The following ENAH variants were observed in gnomAD, a reference collection of about 807,000 sequenced individuals.
ENAH encodes the protein ENAH actin regulator.
In ENAH, 23 loss-of-function variants were observed where a neutral mutation model predicts 78.7. The observed-to-expected ratio is 0.29, with a 90% CI of 0.21 to 0.41. ENAH has a LOEUF of 0.41. Ranked by LOEUF, ENAH falls within the 10% of genes least tolerant of loss-of-function variation. The pLI is 1.00. For synonymous variants in ENAH, 226 were observed against 241.0 expected, an observed-to-expected ratio of 0.94 and a Z score of 0.58; for missense variants, 544 against 691.0, an observed-to-expected ratio of 0.79 and a Z score of 2.39.
At chr1:225,545,576 A>G (rs2096609114) in intron 3 of ENAH, among the ~76,000 whole-genome samples, 1 of 152,252 alleles carries the variant, frequency 6.6e-6, no homozygotes, top group African/African-American at 2.4e-5. Context: ...TTAAGTGATT[A>G]GAATGCCATG....
rs149890306 is a variant in ENAH at position 225,571,004 on chromosome 1, G to A, written c.6-3590C>T. Among the ~76,000 whole-genome samples the A allele has an allele frequency of 1.5e-4, 23 of 152,086 alleles. No individual in the cohort carries two copies. In the East Asian group the frequency reaches 3.3e-3, roughly 22 times the overall value. ...TAAAATACACATAACATAACAAAACGTGTTGATCAACTGTTTATGGATATC... is the reference window on the plus strand; with the variant it reads ...TAAAATACACATAACATAACAAAACATGTTGATCAACTGTTTATGGATATC... On this transcript the variant is annotated intron_variant, in intron 1 of 13. Coordinates refer to ENST00000366843, the MANE Select transcript of ENAH (RefSeq NM_018212.6).
At chr1:225,521,597 T>C (rs1433108645) in intron 4 of ENAH, among the ~76,000 whole-genome samples, 1 of 147,530 alleles carries the variant, frequency 6.8e-6, no homozygotes, top group Admixed American at 6.8e-5. Flanking sequence ...GCTGAGACTA[T>C]GCCCCTGTAC....
At chr1:225,634,240 G>C (rs1400888359) in intron 1 of ENAH, among the ~76,000 whole-genome samples, 1 of 152,204 alleles carries the variant, frequency 6.6e-6, no homozygotes, top group Non-Finnish European at 1.5e-5. Context: ...ATAAAAGTAG[G>C]AAACGGCATG....
At chr1:225,644,980 G>C (rs1323472660) in intron 1 of ENAH, among the ~76,000 whole-genome samples, 1 of 152,036 alleles carries the variant, frequency 6.6e-6, no homozygotes, top group Non-Finnish European at 1.5e-5. Context: ...ACTTACAACA[G>C]GCCTACCAAA....
chr1:225,648,544 T>A (rs1159132049), intron 1 of ENAH, among the ~76,000 whole-genome samples: 1 of 152,186 alleles, frequency 6.6e-6, no homozygotes, highest in Non-Finnish European at 1.5e-5. Flanking sequence ...TTCTTCAAGA[T>A]TTATTCACTT....
At chr1:225,651,555 TA>T (rs1430692406) in intron 1 of ENAH, among the ~76,000 whole-genome samples, 1 of 152,224 alleles carries the variant, frequency 6.6e-6, no homozygotes, top group Non-Finnish European at 1.5e-5. Context: ...GGTTGGCCAT[TA>T]ATCTTTAACA....
intron 1 of ENAH, among the ~76,000 whole-genome samples, chr1:225,639,941 T>C (rs560871281): frequency 6.6e-6 from 1 of 152,308 alleles, no homozygotes; most frequent in South Asian, 2.1e-4. Flanking sequence ...TCTAATTATA[T>C]GGGATAAATT....
rs1305434257 is a variant in ENAH, at chr1:225,489,316, CAG to C, written c.*8457_*8458del. On this transcript the variant is annotated 3_prime_UTR_variant, in exon 14 of 14. Transcript: ENST00000366843. ...AATGGAGAATGTACTGAAGCCACCA[CAG>C]AGATGCTGGTAATTCAAACTGTGAA... The C allele has an allele frequency of 1.3e-5, 2 of 152,208 alleles. No individual in the cohort carries two copies. Among genetic ancestry groups the C allele is most frequent in the African/African-American group, 2.4e-5 (1 of 41,446 alleles). The allele number at this position is 152,208 out of a possible 1,614,324, so 9.4% of individuals were successfully genotyped here. A position where few individuals can be genotyped will look rare whatever the true frequency, so the allele number is the denominator to read the frequency against.
intron 1 of ENAH, among the ~76,000 whole-genome samples, chr1:225,575,219 G>A (rs910310245): frequency 2.0e-5 from 3 of 152,146 alleles, no homozygotes; most frequent in Admixed American, 1.3e-4. Context: ...TGTTCACAAT[G>A]CTCAATGCTC....
chr1:225,579,466 T>G (rs1246459381), intron 1 of ENAH, among the ~76,000 whole-genome samples: 1 of 152,218 alleles, frequency 6.6e-6, no homozygotes, highest in African/African-American at 2.4e-5. Context: ...AGGAAGAAAC[T>G]TATTCATAAA....
intron 1 of ENAH, among the ~76,000 whole-genome samples, chr1:225,623,445 C>T (rs1657363849): frequency 6.6e-6 from 1 of 152,002 alleles, no homozygotes; most frequent in Non-Finnish European, 1.5e-5. Context: ...TATGATAATA[C>T]TTCCATTAAC....
At chr1:225,592,081 C>T (rs1439929625) in intron 1 of ENAH, among the ~76,000 whole-genome samples, 1 of 152,212 alleles carries the variant, frequency 6.6e-6, no homozygotes, top group Non-Finnish European at 1.5e-5. Flanking sequence ...ATTCAAGTAT[C>T]TGGCACATGT....
At chr1:225,522,718 C>A (rs921705533) in intron 4 of ENAH, among the ~76,000 whole-genome samples, 2 of 152,172 alleles carry the variant, frequency 1.3e-5, no homozygotes, top group South Asian at 2.1e-4. Flanking sequence ...CAACCTACAT[C>A]AAAAAATATG....
chr1:225,509,040 T>C lies in ENAH; in HGVS notation c.1472-1023A>G, dbSNP rs561801325. Among the ~76,000 whole-genome samples, 10 of 152,328 alleles carry C rather than the reference T, an allele frequency of 6.6e-5. No individual in the cohort carries two copies. The South Asian group carries it at 2.1e-3, about 32-fold the overall frequency. ...GAAACCTTAAAGTCATTATTGATCT[T>C]GCTTTACTCCTCATCAACTAAATTC... is the stretch of plus-strand genomic sequence containing the variant. On this transcript the variant is annotated intron_variant, in intron 10 of 13. Transcript: ENST00000366843.
At chr1:225,506,740 T>C (rs2096333819) in intron 11 of ENAH, among the ~76,000 whole-genome samples, 1 of 152,236 alleles carries the variant, frequency 6.6e-6, no homozygotes, top group African/African-American at 2.4e-5. Context: ...CTAGTTTCTT[T>C]GTGGAGCTTA....
chr1:225,617,770 CAAT>C (rs1030587752), intron 1 of ENAH, among the ~76,000 whole-genome samples: 18 of 152,130 alleles, frequency 1.2e-4, no homozygotes, highest in African/African-American at 4.3e-4. Context: ...TTCCAACACA[CAAT>C]ATGAATAAAT....
chr1:225,601,158 A>T (rs2096928579), intron 1 of ENAH, among the ~76,000 whole-genome samples: 2 of 152,338 alleles, frequency 1.3e-5, no homozygotes, highest in South Asian at 2.1e-4. Context: ...AACTCTGTTC[A>T]GACTACTGAT....
At position 225,495,466 on chromosome 1, in the gene ENAH, T is replaced by TG. The variant is rs1553409513; in HGVS notation, c.*2308_*2309insC. 1 of 150,382 alleles carries TG rather than the reference T, an allele frequency of 6.6e-6. No individual in the cohort carries two copies. The highest frequency in any genetic ancestry group is 2.4e-5 in the African/African-American group (1 of 40,866). The allele number at this position is 150,382 out of a possible 1,614,324, so 9.3% of individuals were successfully genotyped here. ...CATGATTCAACACTGGTTTTTTTTT[T>TG]TTTTTTTTTTTGTCAGTTTACACAT... On this transcript the variant is annotated 3_prime_UTR_variant, in exon 14 of 14. Coordinates refer to ENST00000366843, the MANE Select transcript of ENAH (RefSeq NM_018212.6).
chr1:225,547,441 A>G (rs1329854807), intron 3 of ENAH, among the ~76,000 whole-genome samples: 4 of 152,180 alleles, frequency 2.6e-5, no homozygotes, highest in Non-Finnish European at 5.9e-5. Context: ...ACCTAAGTGA[A>G]GTACAATCAG....
Sources: allele counts gnomAD v4.1 joint callset (sites outside exome capture counted in the v4.1 genomes callset), GRCh38; gene constraint gnomAD v4.1.1; transcripts MANE v1.5; gene names NCBI Gene and HGNC (gene_info 2026-07-23, HGNC 2026-07-21).